Variants in NPTN observed in about 807,000 individuals in gnomAD.
NPTN encodes neuroplastin.
A neutral mutation model predicts 42.7 loss-of-function variants in NPTN; 5 were observed. That is an observed-to-expected ratio of 0.12 (90% CI 0.06 to 0.25). NPTN has a LOEUF of 0.25. NPTN is among the 10% of genes least tolerant of loss of function. NPTN has a pLI of 1.00. For synonymous variants in NPTN, 180 were observed against 201.9 expected (o/e 0.89, Z 0.92); for missense variants, 307 against 525.4 (o/e 0.58, Z 4.06).
At position 73,569,180 on chromosome 15, in the gene NPTN, C is replaced by T. The variant is rs115515458; in HGVS notation, c.1114+970G>A. 1.3e-3 allele frequency: 1,261 copies of T among 985,426 alleles called. 16 individuals are homozygous for T. The African/African-American group carries it at 0.021, about 16-fold the overall frequency. The allele number at this position is 985,426 out of a possible 1,614,324, so 61.0% of individuals were successfully genotyped here. A position where few individuals can be genotyped will look rare whatever the true frequency, so the allele number is the denominator to read the frequency against. On this transcript the variant is annotated intron_variant, in intron 6 of 8. Transcript: ENST00000345330. The surrounding 1 kb of genome is among the most constrained non-coding windows in gnomAD (Gnocchi z 4.1). Reference sequence around the variant, plus strand: ...GGGACAGACTAGTGGTGGTAACAGTCGGCCAATTAATTTCTGTACGCCGGT... The same window carrying T: ...GGGACAGACTAGTGGTGGTAACAGTTGGCCAATTAATTTCTGTACGCCGGT...
intron 1 of NPTN, among the ~76,000 whole-genome samples, chr15:73,608,556 T>A (rs1023414374): frequency 1.3e-5 from 2 of 152,202 alleles, no homozygotes; most frequent in African/African-American, 4.8e-5. Context: ...GTGCTCATGC[T>A]ATTCAGAAAA....
intron 4 of NPTN, among the ~76,000 whole-genome samples, chr15:73,578,848 C>A (rs1895833352): frequency 6.6e-6 from 1 of 151,978 alleles, no homozygotes; most frequent in South Asian, 2.1e-4. Context: ...CAAAAATTAG[C>A]CAGGCATAAT....
In NPTN at chr15:73,569,366, T is replaced by C. The variant is rs1895236865; in HGVS notation, c.1114+784A>G. 3 of 985,402 alleles carry C rather than the reference T, an allele frequency of 3.0e-6. No individual in the cohort carries two copies. Among genetic ancestry groups the C allele is most frequent in the Middle Eastern group, 5.2e-4 (1 of 1,914 alleles). The allele number at this position is 985,402 out of a possible 1,614,324, so 61.0% of individuals were successfully genotyped here. ...ATCCAATAACCTAAGATTTCAGCTCTTGCTCTTTCCAGTGCTCAGTGGTGT... is the reference window on the plus strand; with the variant it reads ...ATCCAATAACCTAAGATTTCAGCTCCTGCTCTTTCCAGTGCTCAGTGGTGT... On this transcript the variant is annotated intron_variant, in intron 6 of 8. Coordinates refer to ENST00000345330, the MANE Select transcript of NPTN (RefSeq NM_012428.4). The surrounding 1 kb of genome is among the most constrained non-coding windows in gnomAD (Gnocchi z 4.1).
intron 2 of NPTN, among the ~76,000 whole-genome samples, chr15:73,595,552 T>A (rs1351899466): frequency 6.6e-6 from 1 of 152,194 alleles, no homozygotes; most frequent in Non-Finnish European, 1.5e-5. Flanking sequence ...CATCTAAGTA[T>A]ATAGACTCAA....
intron 1 of NPTN, among the ~76,000 whole-genome samples, chr15:73,627,236 TA>T (rs887920737): frequency 2.6e-5 from 4 of 151,630 alleles, no homozygotes; most frequent in African/African-American, 7.3e-5. Flanking sequence ...ACTCCATCTT[TA>T]AAAAAAAATT....
At chr15:73,616,604 T>C (rs754221004) in intron 1 of NPTN, among the ~76,000 whole-genome samples, 6 of 152,150 alleles carry the variant, frequency 3.9e-5, no homozygotes, top group African/African-American at 7.2e-5. Context: ...ATTGTCCAAA[T>C]CTATTCTATT....
At chr15:73,577,875 C>A (rs1895778220) in intron 4 of NPTN, among the ~76,000 whole-genome samples, 1 of 152,124 alleles carries the variant, frequency 6.6e-6, no homozygotes, top group South Asian at 2.1e-4. Context: ...TCACTGGCTT[C>A]CCCCAACCAC....
At chr15:73,626,636 T>C (rs185889690) in intron 1 of NPTN, among the ~76,000 whole-genome samples, 121 of 152,326 alleles carry the variant, frequency 7.9e-4, no homozygotes, top group African/African-American at 2.6e-3. Context: ...TGTGTTTTCC[T>C]GTATCTTCCT....
Position 73,566,796 on chromosome 15 carries a change from C to T in NPTN, c.1114+3354G>A, listed in dbSNP as rs551720222. Among the ~76,000 whole-genome samples the T allele has an allele frequency of 1.6e-4, 25 of 152,274 alleles. No homozygotes were observed. The South Asian group carries it at 3.1e-3, about 19-fold the overall frequency. On this transcript the variant is annotated intron_variant, in intron 6 of 8. Transcript: ENST00000345330. ...CAAGTGGTGAGTCAAGTGAACAAAACAAAGCTCTTATTTGACTCCATGATT... is the reference window on the plus strand; with the variant it reads ...CAAGTGGTGAGTCAAGTGAACAAAATAAAGCTCTTATTTGACTCCATGATT...
intron 1 of NPTN, among the ~76,000 whole-genome samples, chr15:73,623,434 C>G (rs1426500794): frequency 6.6e-6 from 1 of 152,206 alleles, no homozygotes; most frequent in African/African-American, 2.4e-5. Flanking sequence ...TGCCTGTAAT[C>G]CCAGCACTTT....
At chr15:73,612,905 A>G (rs971728021) in intron 1 of NPTN, among the ~76,000 whole-genome samples, 2 of 152,246 alleles carry the variant, frequency 1.3e-5, no homozygotes, top group African/African-American at 4.8e-5. Context: ...CTAAGCCTTT[A>G]TCACGTTAAA....
intron 4 of NPTN, among the ~76,000 whole-genome samples, chr15:73,580,478 CATAA>C (rs1225065598): frequency 3.4e-4 from 42 of 121,924 alleles, no homozygotes; most frequent in Non-Finnish European, 5.4e-4. Context: ...TTTATATATA[CATAA>C]ATATATATAT....
At position 73,570,349 on chromosome 15, in the gene NPTN, C is replaced by G. The variant is rs1432636690; in HGVS notation, c.915G>C (p.Leu305=). The change falls in exon 6 of 9, where the codon CTG becomes CTC. Residue 305 remains leucine (L), a synonymous_variant. Transcript: ENST00000345330. This position sits in a 1 kb window ranked among gnomAD's most constrained non-coding sequence, Gnocchi z 4.0. The part of the protein sequence containing the change: ...ENYTELNIVN[L]QITEDPGEYE... ...ACTCGCCAGGGTCTTCCGTGATCTGCAGGTTCACAATGTTCAACTCAGTGT... is the reference window on the plus strand; with the variant it reads ...ACTCGCCAGGGTCTTCCGTGATCTGGAGGTTCACAATGTTCAACTCAGTGT... 1 of 1,614,116 alleles carries G rather than the reference C, an allele frequency of 6.2e-7. No homozygotes were observed. The highest frequency in any genetic ancestry group is 1.1e-5 in the South Asian group (1 of 91,084).
At chr15:73,578,480 GA>G (rs1354223859) in intron 4 of NPTN, among the ~76,000 whole-genome samples, 1 of 152,202 alleles carries the variant, frequency 6.6e-6, no homozygotes, top group Non-Finnish European at 1.5e-5. Context: ...ACTGTGAGAA[GA>G]AAAGGAGTCA....
intron 1 of NPTN, among the ~76,000 whole-genome samples, chr15:73,613,799 C>A (rs181162465): frequency 4.6e-4 from 70 of 152,150 alleles, no homozygotes; most frequent in African/African-American, 1.5e-3. Flanking sequence ...GATTCTCCTG[C>A]CTCAGCCTCC....
intron 6 of NPTN, chr15:73,566,854 G>C (rs1320875573): frequency 5.5e-6 from 1 of 182,036 alleles, no homozygotes; most frequent in Non-Finnish European, 1.0e-5. Context: ...AGGTAAAGGT[G>C]ATCTGTAGAT....
At chr15:73,625,719 C>A (rs1036405083) in intron 1 of NPTN, among the ~76,000 whole-genome samples, 28 of 152,138 alleles carry the variant, frequency 1.8e-4, no homozygotes, top group Non-Finnish European at 2.4e-4. Context: ...CTACTGACTA[C>A]ATTTCAGGTC....
intron 1 of NPTN, among the ~76,000 whole-genome samples, chr15:73,623,198 G>C (rs1039102979): frequency 1.6e-4 from 24 of 152,200 alleles, no homozygotes; most frequent in Non-Finnish European, 2.9e-4. Context: ...ACACGTATTG[G>C]AAGGATTTCA....
At chr15:73,594,153 T>C (rs531619360) in intron 2 of NPTN, among the ~76,000 whole-genome samples, 1 of 152,362 alleles carries the variant, frequency 6.6e-6, no homozygotes, top group Admixed American at 6.5e-5. Context: ...ACTTAATTTT[T>C]ATTATCCAAT....
Sources: gnomAD v4.1 joint callset for allele counts (sites outside exome capture counted in the v4.1 genomes callset) on GRCh38, gnomAD v4.1.1 for gene constraint, Gnocchi (gnomAD v3.1) non-coding constraint, MANE v1.5 for transcripts, NCBI Gene and HGNC (gene_info 2026-07-23, HGNC 2026-07-21) for gene names.